VPS13C: variants seen among roughly 807,000 people sequenced by gnomAD.
VPS13C encodes intermembrane lipid transfer protein VPS13C.
In VPS13C, 358 loss-of-function variants were observed where a neutral mutation model predicts 456.8. The observed-to-expected ratio is 0.78, with a 90% confidence interval of 0.72 to 0.86. The LOEUF (loss-of-function observed/expected upper bound fraction) is 0.86. VPS13C is among the 40% of genes least tolerant of loss of function. VPS13C has a pLI of 0.00. For synonymous variants in VPS13C, 1,578 were observed against 1,486.7 expected, an observed-to-expected ratio of 1.06 and a Z score of -1.41; for missense variants, 4,818 against 4,385.4, an observed-to-expected ratio of 1.10 and a Z score of -2.79.
At chr15:62,007,623 A>G in intron 14 of VPS13C, 144 bp from the exon 15 acceptor site, 1 of 656,484 alleles carries the variant, frequency 1.5e-6, no homozygotes, top group East Asian at 3.1e-5. Flanking sequence ...ATTCCCAGTA[A>G]AATTGTCTGA....
At chr15:61,876,247 A>G (rs1895415105) in intron 75 of VPS13C, among the ~76,000 whole-genome samples, 1 of 152,066 alleles carries the variant, frequency 6.6e-6, no homozygotes, top group African/African-American at 2.4e-5. Flanking sequence ...AGTCTGGGCA[A>G]CATAGTGAGA....
At chr15:62,009,983 C>T (rs760372495) in intron 13 of VPS13C, among the ~76,000 whole-genome samples, 4 of 152,096 alleles carry the variant, frequency 2.6e-5, no homozygotes, top group African/African-American at 7.2e-5. Context: ...GTCAGGAGAT[C>T]GAGACCACCC....
chr15:62,002,792 C>T (rs1477027694), intron 15 of VPS13C, among the ~76,000 whole-genome samples: 1 of 152,152 alleles, frequency 6.6e-6, no homozygotes, highest in African/African-American at 2.4e-5. Flanking sequence ...TTCCCCATTG[C>T]TTGTTTTTGT....
At chr15:61,905,756 T>C (rs994382199) in intron 66 of VPS13C, among the ~76,000 whole-genome samples, 8 of 152,154 alleles carry the variant, frequency 5.3e-5, no homozygotes, top group Admixed American at 3.9e-4. Flanking sequence ...GTTCTACTAA[T>C]TGATAGCTTT....
chr15:61,984,819 C>T (rs867141062), intron 19 of VPS13C, 38 bp downstream of exon 19: 6 of 1,594,748 alleles, frequency 3.8e-6, no homozygotes, highest in Middle Eastern at 1.7e-4. Flanking sequence ...AAAACTATAA[C>T]TAAAAGTAAA....
chr15:61,880,725 G>C lies in VPS13C; in HGVS notation c.9889-3C>G. ...ATATCTTGTTGGATTAACTTTGTCT[G>C]AAAAAAATAAAATCAAGAATTTCTA... On this transcript the variant is annotated splice_polypyrimidine_tract_variant and splice_region_variant and intron_variant, in intron 72 of 84. Transcript: ENST00000644861. 3 of 1,561,808 alleles carry C rather than the reference G, an allele frequency of 1.9e-6. No homozygotes were observed. The highest frequency in any genetic ancestry group is 2.6e-6 in the Non-Finnish European group (3 of 1,154,486).
At chr15:61,979,945 AGG>A (rs2045824225) in intron 22 of VPS13C, among the ~76,000 whole-genome samples, 2 of 152,080 alleles carry the variant, frequency 1.3e-5, no homozygotes, top group African/African-American at 4.8e-5. Context: ...GCACTTTGGG[AGG>A]CCAAGGTGAG....
At chr15:62,015,382 G>T (rs967558117) in intron 9 of VPS13C, among the ~76,000 whole-genome samples, 18 of 151,884 alleles carry the variant, frequency 1.2e-4, no homozygotes, top group African/African-American at 4.4e-4. Flanking sequence ...GTCAATTTTG[G>T]CTTTTGTTGC....
rs747470685 is a variant in VPS13C at position 61,929,710 on chromosome 15, G to C, written c.6077C>G (p.Ser2026Cys). The change falls in exon 51 of 85, where the codon TCT (serine) becomes TGT (cysteine). Residue 2026 changes from serine (S) to cysteine (C), a missense_variant. Ser to Cys is a moderately radical substitution (Grantham distance 112, BLOSUM62 -1). This residue lies in a region of VPS13C where 4,552 missense variants were observed against 4,130.6 expected (regional missense o/e 1.10). Transcript: ENST00000644861. Reference protein sequence around the residue: ...DRKNDQDNNSSMIDISYKQDK... With the variant: ...DRKNDQDNNSCMIDISYKQDK... ...TTGTTTGTAACTTATATCAATCATA[G>C]AACTGTTGTTATCTTGGTCATTCTT... 6.8e-6 allele frequency: 11 copies of C among 1,613,136 alleles called. 1 individual carries two copies. In the South Asian group the frequency reaches 1.2e-4, roughly 18 times the overall value.
At chr15:61,939,926 G>A (rs1175908185) in intron 47 of VPS13C, among the ~76,000 whole-genome samples, 1 of 151,590 alleles carries the variant, frequency 6.6e-6, no homozygotes, top group African/African-American at 2.4e-5. Context: ...CCCAGCTAGT[G>A]GAGGTCACAG....
intron 60 of VPS13C, 50 bp downstream of exon 60, chr15:61,917,291 G>C: frequency 6.4e-7 from 1 of 1,565,906 alleles, no homozygotes; most frequent in Non-Finnish European, 8.7e-7. Context: ...AACAAAATCA[G>C]AATTTACTCT....
chr15:61,873,480 A>G lies in VPS13C; in HGVS notation c.10415-71T>C. ...ACAAGGAACTCAACAGCAAGAAAAC[A>G]AATAATCTGATTTTAAAATAGGCAA... On this transcript the variant is annotated intron_variant, in intron 77 of 84. Transcript: ENST00000644861. 7.0e-6 allele frequency: 10 copies of G among 1,435,690 alleles called. 1 individual carries two copies. The highest frequency in any genetic ancestry group is 9.5e-6 in the Non-Finnish European group (10 of 1,055,784). The allele number at this position is 1,435,690 out of a possible 1,614,324, so 88.9% of individuals were successfully genotyped here.
intron 50 of VPS13C, 111 bp downstream of exon 50, chr15:61,930,979 A>C: frequency 7.9e-7 from 1 of 1,268,696 alleles, no homozygotes; most frequent in Non-Finnish European, 1.1e-6. Context: ...AGGAAGTATG[A>C]CCAAAAGACA....
intron 69 of VPS13C, 136 bp from the exon 70 acceptor site, chr15:61,881,964 TC>T (rs1189142053): frequency 1.3e-6 from 1 of 770,510 alleles, no homozygotes; most frequent in African/African-American, 1.8e-5. Context: ...ATTAGAAGTT[TC>T]ATTTTAAATC....
intron 11 of VPS13C, 45 bp from the exon 12 acceptor site, chr15:62,012,209 T>G: frequency 9.7e-7 from 1 of 1,036,174 alleles, no homozygotes; most frequent in South Asian, 1.3e-5. Flanking sequence ...AATGCACACA[T>G]ATTCAGACTC....
chr15:62,013,868 T>G, intron 10 of VPS13C, 65 bp downstream of exon 10: 22 of 1,245,632 alleles, frequency 1.8e-5, no homozygotes, highest in Non-Finnish European at 2.5e-5. Context: ...CCATCAATGT[T>G]TCTTCAAGAA....
intron 43 of VPS13C, among the ~76,000 whole-genome samples, chr15:61,946,611 G>A (rs1007899677): frequency 3.3e-5 from 5 of 150,662 alleles, no homozygotes; most frequent in Admixed American, 1.3e-4. Flanking sequence ...AAGGGACACA[G>A]GCATCTCCTC....
chr15:61,912,303 T>C (rs540079268), intron 62 of VPS13C, among the ~76,000 whole-genome samples: 1 of 152,310 alleles, frequency 6.6e-6, no homozygotes, highest in Non-Finnish European at 1.5e-5. Context: ...ATAAATTGCT[T>C]TATAATTAGT....
rs762133066 is a variant in VPS13C at position 61,877,062 on chromosome 15, G to A, written c.10143-8C>T. 1.9e-6 allele frequency: 3 copies of A among 1,588,378 alleles called. No homozygotes were observed. The highest frequency in any genetic ancestry group is 2.3e-5 in the East Asian group (1 of 44,188). On this transcript the variant is annotated splice_region_variant and splice_polypyrimidine_tract_variant and intron_variant, in intron 74 of 84. Coordinates refer to ENST00000644861, the MANE Select transcript of VPS13C (RefSeq NM_020821.3). ...ATTTCATAATAAGCAAGTCTGGGAG[G>A]AGAAAAAGGAAAGATTCAAAGATAC...
Sources: gnomAD v4.1 joint callset for allele counts (sites outside exome capture counted in the v4.1 genomes callset) on GRCh38, gnomAD v4.1.1 for gene constraint, gnomAD v4.1.1 regional missense constraint, MANE v1.5 for transcripts, NCBI Gene and HGNC (gene_info 2026-07-23, HGNC 2026-07-21) for gene names.